The following TOP2B variants were observed in gnomAD, a reference collection of about 807,000 sequenced individuals.
The protein encoded by TOP2B is DNA topoisomerase 2-beta.
In TOP2B, 51 loss-of-function variants were observed where a neutral mutation model predicts 193.5. That is an observed-to-expected ratio of 0.26 (90% CI 0.21 to 0.33). TOP2B has a LOEUF of 0.33. Ranked by LOEUF, TOP2B falls within the 10% of genes least tolerant of loss-of-function variation. TOP2B has a pLI of 1.00. For missense variants in TOP2B, 1,378 were observed against 1,909.3 expected (o/e 0.72, Z 5.19); for synonymous variants, 634 against 635.7 (o/e 1.00, Z 0.04).
In TOP2B at chr3:25,637,232, T is replaced by G; in HGVS notation, c.622A>C (p.Lys208Gln). The change falls in exon 6 of 36, where the codon AAA becomes CAA. Residue 208 changes from lysine (K) to glutamine (Q), a missense_variant. Transcript: ENST00000264331. ...TAGCATACCTGCTTAAAACTGTGTT[T>G]GTATTCTTTGCAAGCTGTTTCTACT... is the stretch of plus-strand genomic sequence containing the variant. ...FTVETACKEY[K>Q]HSFKQTWMNN... The G allele has an allele frequency of 1.3e-6, 2 of 1,556,270 alleles. No individual in the cohort carries two copies. The highest frequency in any genetic ancestry group is 8.7e-7 in the Non-Finnish European group (1 of 1,148,522).
chr3:25,620,586 G>A (rs1208238577), intron 22 of TOP2B, 96 bp downstream of exon 22: 4 of 1,320,366 alleles, frequency 3.0e-6, no homozygotes, highest in East Asian at 2.5e-5. Flanking sequence ...TTAACACTAC[G>A]CACGCTTAGG....
At chr3:25,632,355 TGAAA>T (rs1702985212) in intron 10 of TOP2B, 87 bp downstream of exon 10, 1 of 1,140,944 alleles carries the variant, frequency 8.8e-7, no homozygotes, top group East Asian at 2.6e-5. Flanking sequence ...GTTAATACGA[TGAAA>T]GAAACTAATC....
At position 25,607,321 on chromosome 3, in the gene TOP2B, T is replaced by C. The variant is rs369748980; in HGVS notation, c.4148A>G (p.Asp1383Gly). 3.2e-6 allele frequency: 5 copies of C among 1,551,990 alleles called. No individual in the cohort carries two copies. Among genetic ancestry groups the C allele is most frequent in the Non-Finnish European group, 3.5e-6 (4 of 1,146,656 alleles). ...ATCATTATTGTCATCATCATCATCA[T>C]CAGCATCATCATCCTCTTCTTCTGA... Reference protein sequence around the residue: ...DFSEEEDDDADDDDDDNNDLE... With the variant: ...DFSEEEDDDAGDDDDDNNDLE... The change falls in exon 31 of 36, where the codon GAT (aspartate) becomes GGT (glycine). Residue 1383 changes from aspartate (D) to glycine (G), a missense_variant. Asp to Gly is a moderately conservative substitution (Grantham distance 94). Coordinates refer to ENST00000264331, the MANE Select transcript of TOP2B (RefSeq NM_001330700.2).
chr3:25,615,677 G>T, intron 25 of TOP2B, 91 bp from the exon 26 acceptor site: 1 of 1,102,782 alleles, frequency 9.1e-7, no homozygotes, highest in Non-Finnish European at 1.2e-6. Context: ...AATTCTACAA[G>T]TGCTACACTA....
intron 25 of TOP2B, 40 bp from the exon 26 acceptor site, chr3:25,615,626 G>C (rs1313003571): frequency 7.3e-7 from 1 of 1,363,614 alleles, no homozygotes; most frequent in East Asian, 2.7e-5. Flanking sequence ...GTCTTGTATA[G>C]TATCAAATTA....
At chr3:25,661,395 A>AT (rs1026354095) in intron 1 of TOP2B, among the ~76,000 whole-genome samples, 3 of 152,148 alleles carry the variant, frequency 2.0e-5, no homozygotes, top group South Asian at 2.1e-4. Context: ...TCCATTAAAA[A>AT]TTTTTTTTAA....
At chr3:25,602,891 G>A (rs144229552) in intron 33 of TOP2B, among the ~76,000 whole-genome samples, 73 of 152,282 alleles carry the variant, frequency 4.8e-4, no homozygotes, top group African/African-American at 1.6e-3. Context: ...ATCCCACAGA[G>A]GGATATGATG....
In TOP2B at chr3:25,615,480, G is replaced by A; in HGVS notation, c.3458C>T (p.Ser1153Phe). The A allele has an allele frequency of 6.4e-7, 1 of 1,572,936 alleles. No individual in the cohort carries two copies. The highest frequency in any genetic ancestry group is 1.2e-5 in the South Asian group (1 of 84,688). The stretch of plus-strand genomic sequence containing the variant: ...TTCTTCAACTTTTTCTTTAGTAAGA[G>A]ACCACAGAGACATATTTAAAATATA... ...FNYILNMSLW[S>F]LTKEKVEELI... The change falls in exon 26 of 36, where the codon TCT (serine) becomes TTT (phenylalanine). Residue 1153 changes from serine to phenylalanine, a missense_variant. Around this residue, in one of 9 missense-constraint regions of TOP2B, gnomAD observed 556 missense variants for 584.2 expected, o/e 0.95. Coordinates refer to ENST00000264331, the MANE Select transcript of TOP2B (RefSeq NM_001330700.2).
rs745904730 is a variant in TOP2B at position 25,601,181 on chromosome 3, T to C, written c.4534A>G (p.Lys1512Glu). Residue 1512 changes from lysine to glutamate, a missense_variant, in exon 34 of 36, where the codon AAA becomes GAA. Physicochemically the swap from Lys to Glu is moderately conservative, Grantham distance 56. Coordinates refer to ENST00000264331, the MANE Select transcript of TOP2B (RefSeq NM_001330700.2). Reference protein sequence around the residue: ...DTVPKPKRAPKQKKVVEAVNS... With the variant: ...DTVPKPKRAPEQKKVVEAVNS... ...ACAGCCTCTACTACTTTCTTCTGTT[T>C]TGGGGCTCTCTTGGGCTTAGGGACT... is the stretch of plus-strand genomic sequence containing the variant. 5 of 1,613,714 alleles carry C rather than the reference T, an allele frequency of 3.1e-6. No individual in the cohort carries two copies. In the African/African-American group the frequency reaches 5.3e-5, roughly 17 times the overall value.
chr3:25,642,520 T>C (rs1020972555), intron 3 of TOP2B, 135 bp from the exon 4 acceptor site: 4 of 473,370 alleles, frequency 8.5e-6, no homozygotes, highest in African/African-American at 7.9e-5. Flanking sequence ...TACTATTAAC[T>C]TCTCATATAA....
rs1701967515 is a variant in TOP2B, at chr3:25,598,166, T to TTAAAAGGCCTACCACAA, written c.*124_*140dup. On this transcript the variant is annotated 3_prime_UTR_variant, in exon 36 of 36. Transcript: ENST00000264331. ...AAACTGTATGTGTAAGAACAAAATG[T>TTAAAAGGCCTACCACAA]TAAAAGGCCTACCACAATAATAAAA... The TTAAAAGGCCTACCACAA allele has an allele frequency of 2.4e-6, 2 of 838,328 alleles. No individual in the cohort carries two copies. The highest frequency in any genetic ancestry group is 4.0e-5 in the South Asian group (2 of 49,648). 51.9% of individuals were successfully genotyped at this position (838,328 alleles called of 1,614,324 possible). A position where few individuals can be genotyped will look rare whatever the true frequency, so the allele number is the denominator to read the frequency against.
At chr3:25,609,094 C>T in intron 30 of TOP2B, 89 bp downstream of exon 30, 1 of 1,127,400 alleles carries the variant, frequency 8.9e-7, no homozygotes, top group Non-Finnish European at 1.2e-6. Context: ...ATACTAATGG[C>T]TTAGTACTTA....
In TOP2B at chr3:25,607,321, T is replaced by G. The variant is rs369748980; in HGVS notation, c.4148A>C (p.Asp1383Ala). 8.1e-5 allele frequency: 125 copies of G among 1,551,990 alleles called. 1 individual carries two copies. The highest frequency in any genetic ancestry group is 2.0e-4 in the South Asian group (17 of 84,254). Reference protein sequence around the residue: ...DFSEEEDDDADDDDDDNNDLE... With the variant: ...DFSEEEDDDAADDDDDNNDLE... ...ATCATTATTGTCATCATCATCATCA[T>G]CAGCATCATCATCCTCTTCTTCTGA... is the stretch of plus-strand genomic sequence containing the variant. Residue 1383 changes from aspartate to alanine, a missense_variant, in exon 31 of 36, where the codon GAT becomes GCT. Asp to Ala is a moderately radical substitution (Grantham distance 126, BLOSUM62 -2). Coordinates refer to ENST00000264331, the MANE Select transcript of TOP2B (RefSeq NM_001330700.2).
intron 7 of TOP2B, among the ~76,000 whole-genome samples, chr3:25,634,333 A>T (rs565304787): frequency 2.0e-5 from 3 of 152,262 alleles, no homozygotes; most frequent in Non-Finnish European, 4.4e-5. Flanking sequence ...CTAGCAGGAA[A>T]AAAAGCTTCC....
chr3:25,614,305 T>A (rs1364335989), intron 27 of TOP2B, among the ~76,000 whole-genome samples: 1 of 119,446 alleles, frequency 8.4e-6, no homozygotes, highest in Non-Finnish European at 1.8e-5. Context: ...AGGATATCAA[T>A]AATATTAGGA....
chr3:25,622,994 T>C (rs1702701036), intron 21 of TOP2B, among the ~76,000 whole-genome samples: 1 of 152,054 alleles, frequency 6.6e-6, no homozygotes, highest in Non-Finnish European at 1.5e-5. Flanking sequence ...GTCAGTCTGG[T>C]CTCGAACTCC....
intron 22 of TOP2B, 54 bp from the exon 23 acceptor site, chr3:25,620,116 ATAC>A: frequency 1.7e-6 from 2 of 1,158,414 alleles, no homozygotes; most frequent in Non-Finnish European, 2.5e-6. Flanking sequence ...TCATGTTCTC[ATAC>A]TACAAGTCAT....
intron 29 of TOP2B, 52 bp downstream of exon 29, chr3:25,609,516 T>C: frequency 6.4e-7 from 1 of 1,566,646 alleles, no homozygotes; most frequent in East Asian, 2.3e-5. Context: ...AGTAATACTC[T>C]ATACAAATAT....
chr3:25,602,417 A>AAAAAAAAG, intron 33 of TOP2B, among the ~76,000 whole-genome samples: 1 of 69,822 alleles, frequency 1.4e-5, no homozygotes, highest in Non-Finnish European at 2.7e-5. Flanking sequence ...AAAGAAAAAG[A>AAAAAAAAG]AAAAAAAAAA....
Sources: allele counts gnomAD v4.1 joint callset (sites outside exome capture counted in the v4.1 genomes callset), GRCh38; gene constraint gnomAD v4.1.1; regional missense constraint gnomAD v4.1.1; transcripts MANE v1.5; gene names NCBI Gene and HGNC (gene_info 2026-07-23, HGNC 2026-07-21).